ACKR3: variants seen among roughly 807,000 people sequenced by gnomAD.
The protein encoded by ACKR3 is C-X-C chemokine receptor type 7.
A neutral mutation model predicts 22.4 loss-of-function variants in ACKR3; 6 were observed. That is an observed-to-expected ratio of 0.27 (90% CI 0.15 to 0.53). The LOEUF is 0.53. Among genes scored for constraint, ACKR3 ranks in the 20% least tolerant of loss-of-function variants. The probability of loss-of-function intolerance (pLI) is 0.96; values close to 1 mark genes in which losing one functional copy is unlikely to be tolerated. For missense variants in ACKR3, 396 were observed against 475.2 expected (o/e 0.83, Z 1.55); for synonymous variants, 209 against 205.2 (o/e 1.02, Z -0.16).
chr2:236,566,214 G>A (rs188330856), upstream of ACKR3, among the ~76,000 whole-genome samples: 4 of 152,310 alleles, frequency 2.6e-5, no homozygotes, highest in East Asian at 7.7e-4. Context: ...CCTGTGGGGC[G>A]TGCAACCCCA....
At chr2:236,559,638 T>C in the ACKR3 span, among the ~76,000 whole-genome samples, 1 of 152,238 alleles carries the variant, frequency 6.6e-6, no homozygotes, top group Non-Finnish European at 1.5e-5. Flanking sequence ...AGATCTTAAC[T>C]GTACAGTTGA....
At chr2:236,538,456 T>C in the ACKR3 span, among the ~76,000 whole-genome samples, 7 of 152,220 alleles carry the variant, frequency 4.6e-5, no homozygotes, top group African/African-American at 1.7e-4. Context: ...CTCACCACCC[T>C]GACCTTGGAT....
the ACKR3 span, among the ~76,000 whole-genome samples, chr2:236,558,413 G>C: frequency 2.0e-5 from 3 of 152,184 alleles, no homozygotes; most frequent in Non-Finnish European, 4.4e-5. Flanking sequence ...GATGGGCAGC[G>C]AGAACAACCA....
In ACKR3 at chr2:236,576,511, A is replaced by G. The variant is rs376564806; in HGVS notation, c.-26-3929A>G. On this transcript the variant is annotated intron_variant, in intron 1 of 1. Transcript: ENST00000272928. ...CTTTTGAGAACCAGGGGCCCTGGGTACACATTTCATAGTTTGCTCTATGAA... is the reference window on the plus strand; with the variant it reads ...CTTTTGAGAACCAGGGGCCCTGGGTGCACATTTCATAGTTTGCTCTATGAA... 2.0e-5 allele frequency among the ~76,000 whole-genome samples: 3 copies of G among 152,346 alleles called. No individual in the cohort carries two copies. In the East Asian group the frequency reaches 5.8e-4, roughly 29 times the overall value.
At chr2:236,556,580 A>G in the ACKR3 span, among the ~76,000 whole-genome samples, 11 of 152,348 alleles carry the variant, frequency 7.2e-5, no homozygotes, top group South Asian at 1.2e-3. Context: ...TAGCTAAAAA[A>G]GGCAAGAAAG....
chr2:236,543,397 G>A, the ACKR3 span, among the ~76,000 whole-genome samples: 2 of 152,186 alleles, frequency 1.3e-5, no homozygotes, highest in Non-Finnish European at 2.9e-5. Flanking sequence ...ATGTTCCAAA[G>A]CAAAGTTTGA....
At chr2:236,561,551 G>A in the ACKR3 span, among the ~76,000 whole-genome samples, 2 of 151,438 alleles carry the variant, frequency 1.3e-5, no homozygotes, top group East Asian at 1.9e-4. Flanking sequence ...TCTGTTGCCC[G>A]GGCTGGAGTG....
chr2:236,580,778 G>A lies in ACKR3; in HGVS notation c.313G>A (p.Val105Met), dbSNP rs142866883. Reference sequence around the variant, plus strand: ...CATCCCAGTCTGGGTGGTCAGTCTCGTGCAGCACAACCAGTGGCCCATGGG... The same window carrying A: ...CATCCCAGTCTGGGTGGTCAGTCTCATGCAGCACAACCAGTGGCCCATGGG... ...LTIPVWVVSL[V>M]QHNQWPMGEL... is the part of the protein sequence containing the mutation. The change falls in exon 2 of 2, where the codon GTG becomes ATG. Residue 105 changes from valine to methionine, a missense_variant. Physicochemically the swap from Val to Met is conservative, Grantham distance 21. Coordinates refer to ENST00000272928, the MANE Select transcript of ACKR3 (RefSeq NM_020311.3). The A allele has an allele frequency of 7.2e-5, 117 of 1,614,178 alleles. 1 individual carries two copies. The highest frequency in any genetic ancestry group is 5.4e-4 in the South Asian group (49 of 91,074).
chr2:236,559,029 A>G, the ACKR3 span, among the ~76,000 whole-genome samples: 1 of 152,216 alleles, frequency 6.6e-6, no homozygotes, highest in East Asian at 1.9e-4. Context: ...AAATCACAAT[A>G]CTTCAGAATG....
Position 236,574,260 on chromosome 2 carries a change from G to A in ACKR3, c.-27+4336G>A, listed in dbSNP as rs555403221. Among the ~76,000 whole-genome samples, 66 of 152,232 alleles carry A rather than the reference G, an allele frequency of 4.3e-4. No homozygotes were observed. The highest frequency in any genetic ancestry group is 1.5e-3 in the African/African-American group (62 of 41,532). The stretch of plus-strand genomic sequence containing the variant: ...CCCGTCTCCGCTGCTGGCCACAGTC[G>A]CTGGTCTTGGTGGGGCACGATTAAC... On this transcript the variant is annotated intron_variant, in intron 1 of 1. Transcript: ENST00000272928. The surrounding 1 kb of genome is among the most constrained non-coding windows in gnomAD (Gnocchi z 5.6).
At chr2:236,570,847 T>C (rs901536189) in intron 1 of ACKR3, among the ~76,000 whole-genome samples, 4 of 77,454 alleles carry the variant, frequency 5.2e-5, no homozygotes, top group African/African-American at 4.0e-4. Flanking sequence ...TCTCTTCCTC[T>C]TTCTTTCTTT....
chr2:236,547,082 G>T, the ACKR3 span, among the ~76,000 whole-genome samples: 1 of 152,254 alleles, frequency 6.6e-6, no homozygotes, highest in African/African-American at 2.4e-5. Context: ...GTCTTAGATG[G>T]CATCCATCAC....
At chr2:236,571,071 G>A (rs991916570) in intron 1 of ACKR3, among the ~76,000 whole-genome samples, 3 of 152,164 alleles carry the variant, frequency 2.0e-5, no homozygotes, top group African/African-American at 7.2e-5. Flanking sequence ...GAAAAATGTG[G>A]ACATCAGCTA....
At chr2:236,553,633 C>T in the ACKR3 span, among the ~76,000 whole-genome samples, 9 of 152,246 alleles carry the variant, frequency 5.9e-5, no homozygotes, top group Non-Finnish European at 1.3e-4. Context: ...AATTCCCTGG[C>T]CACGGTTGAA....
the ACKR3 span, among the ~76,000 whole-genome samples, chr2:236,553,794 C>T: frequency 6.6e-6 from 1 of 152,246 alleles, no homozygotes; most frequent in South Asian, 2.1e-4. Flanking sequence ...TCAGCGTCTG[C>T]TGCAGTAAAG....
chr2:236,549,186 G>T, the ACKR3 span, among the ~76,000 whole-genome samples: 1 of 152,150 alleles, frequency 6.6e-6, no homozygotes, highest in Non-Finnish European at 1.5e-5. The surrounding 1 kb of genome is among the most constrained non-coding windows in gnomAD (Gnocchi z 5.3). Context: ...CCCTCTTCCT[G>T]TGTCTTCTCC....
Position 236,577,566 on chromosome 2 carries a change from G to T in ACKR3, c.-26-2874G>T, listed in dbSNP as rs530147039. On this transcript the variant is annotated intron_variant, in intron 1 of 1. Transcript: ENST00000272928. This position sits in a 1 kb window ranked among gnomAD's most constrained non-coding sequence, Gnocchi z 5.6. ...GACACACTCGAGATGTGGGAACCAGGCGTCTTCTCACTGAGTGACCCTGCC... is the reference window on the plus strand; with the variant it reads ...GACACACTCGAGATGTGGGAACCAGTCGTCTTCTCACTGAGTGACCCTGCC... Among the ~76,000 whole-genome samples, 1 of 152,110 alleles carries T rather than the reference G, an allele frequency of 6.6e-6. No homozygotes were observed. Among genetic ancestry groups the T allele is most frequent in the African/African-American group, 2.4e-5 (1 of 41,430 alleles).
At chr2:236,545,671 T>A in the ACKR3 span, among the ~76,000 whole-genome samples, 31 of 152,360 alleles carry the variant, frequency 2.0e-4, no homozygotes, top group East Asian at 2.3e-3. This position sits in a 1 kb window ranked among gnomAD's most constrained non-coding sequence, Gnocchi z 5.3. Flanking sequence ...AACTTGGTTA[T>A]GAAACACTAC....
At chr2:236,545,453 G>A in the ACKR3 span, among the ~76,000 whole-genome samples, 1 of 152,208 alleles carries the variant, frequency 6.6e-6, no homozygotes, top group Non-Finnish European at 1.5e-5. This position sits in a 1 kb window ranked among gnomAD's most constrained non-coding sequence, Gnocchi z 5.3. Flanking sequence ...CCGCATTTGT[G>A]CAGATGTCTG....
Sources: gnomAD v4.1 joint callset for allele counts (sites outside exome capture counted in the v4.1 genomes callset) on GRCh38, gnomAD v4.1.1 for gene constraint, Gnocchi (gnomAD v3.1) non-coding constraint, MANE v1.5 for transcripts, NCBI Gene and HGNC (gene_info 2026-07-23, HGNC 2026-07-21) for gene names.